Variants in CFAP43 observed in about 807,000 individuals in gnomAD.
CFAP43 encodes cilia- and flagella-associated protein 43.
CFAP43 carries 155 observed loss-of-function variants against 218.9 expected under a neutral mutation model. The ratio of observed to expected loss-of-function variants is 0.71; its 90% CI spans 0.62 to 0.81. The LOEUF is 0.81. CFAP43 is among the 30% of genes least tolerant of loss of function. The probability of loss-of-function intolerance (pLI) is 0.00; values close to 1 mark genes in which losing one functional copy is unlikely to be tolerated. For synonymous variants in CFAP43, 645 were observed against 681.3 expected (o/e 0.95, Z 0.83); for missense variants, 1,778 against 1,954.3 (o/e 0.91, Z 1.70).
At chr10:104,161,008 A>G in intron 27 of CFAP43, 29 bp downstream of exon 27, 1 of 1,575,890 alleles carries the variant, frequency 6.3e-7, no homozygotes, top group Non-Finnish European at 8.7e-7. Flanking sequence ...TGGATATGGT[A>G]GGTTATATTA....
At position 104,214,450 on chromosome 10, in the gene CFAP43, G is replaced by T. The variant is rs1383611154; in HGVS notation, c.417-24C>A. 3 of 1,523,172 alleles carry T rather than the reference G, an allele frequency of 2.0e-6. No individual in the cohort carries two copies. In the African/African-American group the frequency reaches 4.2e-5, roughly 21 times the overall value. The allele number at this position is 1,523,172 out of a possible 1,614,324, so 94.4% of individuals were successfully genotyped here. ...TCCTTAGAGAAAAATAGCATTTGAT[G>T]AAAAAAAGTTCATTTGAATTTCATG... On this transcript the variant is annotated intron_variant, in intron 3 of 37. Transcript: ENST00000357060.
At chr10:104,135,371 A>G (rs1201971701) in intron 34 of CFAP43, among the ~76,000 whole-genome samples, 1 of 152,172 alleles carries the variant, frequency 6.6e-6, no homozygotes, top group Non-Finnish European at 1.5e-5. Context: ...TGTAATAAAA[A>G]TTCTAGTCAT....
chr10:104,174,608 G>C (rs557215590), intron 19 of CFAP43, among the ~76,000 whole-genome samples: 1 of 151,788 alleles, frequency 6.6e-6, no homozygotes, highest in Admixed American at 6.6e-5. Context: ...TCACAAAAAC[G>C]GTATAAACTA....
In CFAP43 at chr10:104,232,197, G is replaced by C. The variant is rs746706695; in HGVS notation, c.50C>G (p.Ala17Gly). Residue 17 changes from alanine (A) to glycine (G), a missense_variant, in exon 1 of 38, where the codon GCG (alanine) becomes GGG (glycine). By Grantham distance (60) the Ala-to-Gly change is moderately conservative. Around this residue, in one of 3 missense-constraint regions of CFAP43, gnomAD observed 1,553 missense variants for 1,685.2 expected, o/e 0.92. Transcript: ENST00000357060. ...AACACCGCACCTCACGGACAAGGAC[G>C]CGCCGCCGGCGGAGTGGGGGCCTTC... ...RDEGPHSAGGASLSVRWVQGF... is the reference protein window; with the variant it reads ...RDEGPHSAGGGSLSVRWVQGF... 6.2e-7 allele frequency: 1 copy of C among 1,609,216 alleles called. No individual in the cohort carries two copies. The highest frequency in any genetic ancestry group is 8.5e-7 in the Non-Finnish European group (1 of 1,178,420).
At chr10:104,164,686 C>T (rs959420287) in intron 23 of CFAP43, among the ~76,000 whole-genome samples, 3 of 152,210 alleles carry the variant, frequency 2.0e-5, no homozygotes, top group Non-Finnish European at 4.4e-5. Context: ...GCGTGAGCCA[C>T]CGCGCCTGGC....
intron 5 of CFAP43, among the ~76,000 whole-genome samples, chr10:104,208,623 C>A (rs1336787071): frequency 3.3e-5 from 5 of 152,106 alleles, no homozygotes; most frequent in South Asian, 2.1e-4. Flanking sequence ...TTGATAATAT[C>A]ATCTCCTTTT....
At chr10:104,220,949 CGT>C (rs68093596) in intron 3 of CFAP43, among the ~76,000 whole-genome samples, 19,345 of 143,360 alleles carry the variant, frequency 0.13, 1,272 homozygotes, top group African/African-American at 0.19. Flanking sequence ...TATGAGTGAG[CGT>C]GTGTGTGTGT....
chr10:104,202,040 T>A (rs2090549499), intron 8 of CFAP43, among the ~76,000 whole-genome samples: 2 of 152,200 alleles, frequency 1.3e-5, no homozygotes, highest in Admixed American at 1.3e-4. Context: ...AACCATGTAG[T>A]CTCTGCCACA....
chr10:104,187,907 T>C (rs760779123), intron 13 of CFAP43, among the ~76,000 whole-genome samples: 1 of 152,240 alleles, frequency 6.6e-6, no homozygotes, highest in African/African-American at 2.4e-5. Context: ...TACCTTTTTA[T>C]CCAGAAAACT....
chr10:104,158,785 T>C (rs1395735746), intron 27 of CFAP43, among the ~76,000 whole-genome samples: 2 of 152,032 alleles, frequency 1.3e-5, no homozygotes, highest in African/African-American at 4.8e-5. Flanking sequence ...TCTTAGGAGG[T>C]TTAAGCTGTA....
At chr10:104,201,410 CTT>C (rs1364083784) in intron 8 of CFAP43, among the ~76,000 whole-genome samples, 2 of 151,102 alleles carry the variant, frequency 1.3e-5, no homozygotes, top group East Asian at 3.9e-4. Flanking sequence ...TCTTTTTTAC[CTT>C]GTTTTGGGTT....
At position 104,196,932 on chromosome 10, in the gene CFAP43, G is replaced by A; in HGVS notation, c.1214C>T (p.Thr405Ile). 6.2e-7 allele frequency: 1 copy of A among 1,607,824 alleles called. No individual in the cohort carries two copies. The highest frequency in any genetic ancestry group is 8.5e-7 in the Non-Finnish European group (1 of 1,177,958). Reference sequence around the variant, plus strand: ...ACAAATTTCCCCTGAATATGTAAGTGTCTGTAAAAAAAGAAAAACAAAAAC... The same window carrying A: ...ACAAATTTCCCCTGAATATGTAAGTATCTGTAAAAAAAGAAAAACAAAAAC... ...FITPGTQYFM[T>I]LTYSGEICVW... The change falls in exon 10 of 38, where the codon ACA (threonine) becomes ATA (isoleucine). Residue 405 changes from threonine (T) to isoleucine (I), a missense_variant and splice_region_variant. Physicochemically the swap from Thr to Ile is moderately conservative, Grantham distance 89 (BLOSUM62 -1). Transcript: ENST00000357060.
At chr10:104,142,417 T>A in intron 32 of CFAP43, 24 bp from the exon 33 acceptor site, 1 of 1,591,016 alleles carries the variant, frequency 6.3e-7, no homozygotes, top group Non-Finnish European at 8.6e-7. Context: ...GCCAGAAACA[T>A]GTCAGAACAT....
Position 104,140,941 on chromosome 10 carries a change from T to C in CFAP43, c.4332A>G (p.Gln1444=). The change falls in exon 34 of 38, where the codon CAA becomes CAG. Residue 1444 remains glutamine, a synonymous_variant. Transcript: ENST00000357060. ...GGAAATTTTCCAGTTCTACTTGTCC[T>C]TGTTTAAGAAGAATTTGGATTGTCA... ...LNLTIQILLK[Q]GQVELENFQL... is the part of the protein sequence containing the mutation. The C allele has an allele frequency of 6.2e-7, 1 of 1,613,470 alleles. No homozygotes were observed. Among genetic ancestry groups the C allele is most frequent in the Non-Finnish European group, 8.5e-7 (1 of 1,179,786 alleles).
Position 104,133,680 on chromosome 10 carries a change from T to A in CFAP43, c.4536A>T (p.Glu1512Asp). 1.2e-6 allele frequency: 2 copies of A among 1,613,844 alleles called. No homozygotes were observed. Among genetic ancestry groups the A allele is most frequent in the Non-Finnish European group, 8.5e-7 (1 of 1,179,886 alleles). The change falls in exon 35 of 38, where the codon GAA becomes GAT. Residue 1512 changes from glutamate to aspartate, a missense_variant. By Grantham distance (45) the Glu-to-Asp change is conservative. Around this residue, in one of 3 missense-constraint regions of CFAP43, gnomAD observed 211 missense variants for 230.6 expected, o/e 0.91. Transcript: ENST00000357060. ...WEHKKMEMER[E>D]DLNQKAWDIQ... ...TATCCCAAGCCTTCTGATTTAGATC[T>A]TCCCTTTCCATCTCCATTTTCTTAT...
intron 19 of CFAP43, among the ~76,000 whole-genome samples, chr10:104,176,653 C>A (rs1016535059): frequency 1.3e-5 from 2 of 152,196 alleles, no homozygotes; most frequent in African/African-American, 4.8e-5. Context: ...ATTCACACTT[C>A]CACGCTCTTC....
At position 104,161,094 on chromosome 10, in the gene CFAP43, G is replaced by T. The variant is rs2088845342; in HGVS notation, c.3483C>A (p.Phe1161Leu). Residue 1161 changes from phenylalanine (F) to leucine (L), a missense_variant, in exon 27 of 38, where the codon TTC (phenylalanine) becomes TTA (leucine). Around this residue, in one of 3 missense-constraint regions of CFAP43, gnomAD observed 1,553 missense variants for 1,685.2 expected, o/e 0.92. Coordinates refer to ENST00000357060, the MANE Select transcript of CFAP43 (RefSeq NM_025145.7). ...AVWTEEERKQFKDYEKKVKEL... is the reference protein window; with the variant it reads ...AVWTEEERKQLKDYEKKVKEL... ...CCTTTACTTTTTTCTCATAATCTTT[G>T]AATTGTTTTCTTTCTTCTTCAGTCC... 2 of 1,612,934 alleles carry T rather than the reference G, an allele frequency of 1.2e-6. No individual in the cohort carries two copies. Among genetic ancestry groups the T allele is most frequent in the African/African-American group, 1.3e-5 (1 of 74,818 alleles).
chr10:104,201,771 T>G (rs946726309), intron 8 of CFAP43, among the ~76,000 whole-genome samples: 1 of 152,204 alleles, frequency 6.6e-6, no homozygotes. Flanking sequence ...GCTCTTTATT[T>G]TTGTTGCATC....
rs553971501 is a variant in CFAP43, at chr10:104,195,762, A to C, written c.1293+1091T>G. ...GTTATTTTATGCAAAATGCACTGTG[A>C]ACATGGCAGAAATAATGGTATCACA... On this transcript the variant is annotated intron_variant, in intron 10 of 37. Coordinates refer to ENST00000357060, the MANE Select transcript of CFAP43 (RefSeq NM_025145.7). Among the ~76,000 whole-genome samples, 4 of 152,342 alleles carry C rather than the reference A, an allele frequency of 2.6e-5. No homozygotes were observed. The South Asian group carries it at 8.3e-4, about 32-fold the overall frequency.
Sources: gnomAD v4.1 joint callset for allele counts (sites outside exome capture counted in the v4.1 genomes callset) on GRCh38, gnomAD v4.1.1 for gene constraint, gnomAD v4.1.1 regional missense constraint, MANE v1.5 for transcripts, NCBI Gene and HGNC (gene_info 2026-07-23, HGNC 2026-07-21) for gene names.